Variants in TULP4 observed in about 807,000 individuals in gnomAD.
The protein encoded by TULP4 is tubby-related protein 4.
TULP4 carries 16 observed loss-of-function variants against 129.0 expected under a neutral mutation model. The observed-to-expected ratio is 0.12, with a 90% CI of 0.08 to 0.19. The LOEUF is 0.19. Ranked by LOEUF, TULP4 falls within the 10% of genes least tolerant of loss-of-function variation. The pLI is 1.00. For missense variants in TULP4, 1,842 were observed against 2,059.1 expected, an observed-to-expected ratio of 0.89 and a Z score of 2.04; for synonymous variants, 998 against 854.0, an observed-to-expected ratio of 1.17 and a Z score of -2.94.
upstream of TULP4, among the ~76,000 whole-genome samples, chr6:158,311,493 C>G (rs977410437): frequency 9.2e-5 from 14 of 152,172 alleles, no homozygotes; most frequent in Non-Finnish European, 2.1e-4. Flanking sequence ...TTCTCTAGAA[C>G]TTTATTGCTG....
chr6:158,401,634 A>AAGCC (rs1346815192), intron 1 of TULP4, among the ~76,000 whole-genome samples: 2 of 139,414 alleles, frequency 1.4e-5, no homozygotes, highest in Non-Finnish European at 3.1e-5. Flanking sequence ...GGGTGTGGTC[A>AAGCC]AGCCGTTCTA....
At chr6:158,350,861 A>G (rs1780501320) in intron 1 of TULP4, among the ~76,000 whole-genome samples, 1 of 151,444 alleles carries the variant, frequency 6.6e-6, no homozygotes, top group Non-Finnish European at 1.5e-5. Flanking sequence ...CCCGGTTTCC[A>G]GCGATTCTCT....
chr6:158,380,666 G>A (rs1229216404), intron 1 of TULP4, among the ~76,000 whole-genome samples: 3 of 151,860 alleles, frequency 2.0e-5, no homozygotes, highest in Admixed American at 2.0e-4. Flanking sequence ...GGTTGAGGCG[G>A]GTGGATTACC....
intron 1 of TULP4, among the ~76,000 whole-genome samples, chr6:158,385,842 C>CTTCTTTTTTTTTTTTTTTTTT (rs1777432028): frequency 1.7e-5 from 1 of 59,576 alleles, no homozygotes; most frequent in South Asian, 8.5e-4. Flanking sequence ...TGTGGAATAT[C>CTTCTTTTTTTTTTTTTTTTTT]TTTTTTTTTT....
At chr6:158,495,295 T>G (rs2128258713) in intron 11 of TULP4, among the ~76,000 whole-genome samples, 1 of 152,296 alleles carries the variant, frequency 6.6e-6, no homozygotes, top group East Asian at 1.9e-4. Flanking sequence ...TCAAGCAATT[T>G]GCCCACCTCA....
intron 10 of TULP4, among the ~76,000 whole-genome samples, chr6:158,494,162 C>T (rs1322175609): frequency 6.6e-6 from 1 of 152,206 alleles, no homozygotes; most frequent in Non-Finnish European, 1.5e-5. Flanking sequence ...TGACGGCCTC[C>T]TACCCTGGTT....
intron 3 of TULP4, among the ~76,000 whole-genome samples, chr6:158,433,612 G>A (rs1778683265): frequency 6.6e-6 from 1 of 152,220 alleles, no homozygotes; most frequent in Non-Finnish European, 1.5e-5. Context: ...TCCGGAGGCT[G>A]AGGCAGGAGA....
rs752433680 is a variant in TULP4, at chr6:158,501,778, G to GAGC, written c.2117_2119dup (p.Ser706dup). 4 of 1,614,154 alleles carry GAGC rather than the reference G, an allele frequency of 2.5e-6. No homozygotes were observed. The highest frequency in any genetic ancestry group is 2.5e-6 in the Non-Finnish European group (3 of 1,180,034). The stretch of plus-strand genomic sequence containing the variant: ...CGGCTCAGGCTATGTCCCCCACGCA[G>GAGC]AGCATAGGGCTGGTGCAGTCCCTAC... On this transcript the variant is annotated inframe_insertion, in exon 13 of 14. Transcript: ENST00000367097.
At chr6:158,394,994 T>G (rs1257949802) in intron 1 of TULP4, among the ~76,000 whole-genome samples, 1 of 151,814 alleles carries the variant, frequency 6.6e-6, no homozygotes, top group African/African-American at 2.4e-5. Context: ...AAGCAGGAAG[T>G]GCCACACACT....
Position 158,298,169 on chromosome 6 carries a change from C to T in TULP4, n.117-13882C>T, listed in dbSNP as rs1779068290. ...CCTTATGGTTGTCTTCCCTTGTTCC[C>T]TAAAAATCGCTGTTATTCTGTTCTT... On this transcript the variant is annotated intron_variant and non_coding_transcript_variant, in intron 1 of 1. Transcript: ENST00000432358. Among the ~76,000 whole-genome samples the T allele has an allele frequency of 4.6e-5, 7 of 152,252 alleles. No individual in the cohort carries two copies. In the South Asian group the frequency reaches 1.5e-3, roughly 32 times the overall value.
At chr6:158,485,555 T>C (rs1188515806) in intron 8 of TULP4, among the ~76,000 whole-genome samples, 1 of 152,234 alleles carries the variant, frequency 6.6e-6, no homozygotes, top group Non-Finnish European at 1.5e-5. Flanking sequence ...CATGCACTAT[T>C]CTTCAAGAAG....
chr6:158,427,471 CTTTTTTTTTTTTTTTTTTTTTT>C lies in TULP4; in HGVS notation c.382-2245_382-2224del, dbSNP rs557678837. Reference sequence around the variant, plus strand: ...AAATTCCTTTTCAAAATTATCAGACCTTTTTTTTTTTTTTTTTTTTTTTTTTTTTTTTTTTTTTTTTGAGACG... The same window carrying C: ...AAATTCCTTTTCAAAATTATCAGACCTTTTTTTTTTTTTTTTTTTGAGACG... On this transcript the variant is annotated intron_variant, in intron 2 of 13. Coordinates refer to ENST00000367097, the MANE Select transcript of TULP4 (RefSeq NM_020245.5). Among the ~76,000 whole-genome samples, 336 of 74,124 alleles carry C rather than the reference CTTTTTTTTTTTTTTTTTTTTTT, an allele frequency of 4.5e-3. 4 individuals are homozygous for C. Among genetic ancestry groups the C allele is most frequent in the African/African-American group, 0.019 (306 of 16,104 alleles). 48.6% of individuals were successfully genotyped at this position (74,124 alleles called of 152,430 possible).
At chr6:158,371,620 CAA>C (rs1038335438) in intron 1 of TULP4, among the ~76,000 whole-genome samples, 5 of 152,070 alleles carry the variant, frequency 3.3e-5, no homozygotes, top group East Asian at 1.9e-4. Flanking sequence ...TGGAGGCTGA[CAA>C]GAGAGATTAT....
chr6:158,282,144 GTT>G (rs959545313), upstream of TULP4: 1 of 152,052 alleles, frequency 6.6e-6, no homozygotes, highest in Non-Finnish European at 1.5e-5. Context: ...AAAGAGTCAT[GTT>G]TCTAATAGAT....
intron 1 of TULP4, among the ~76,000 whole-genome samples, chr6:158,301,635 C>A (rs1036578603): frequency 1.3e-5 from 2 of 152,126 alleles, no homozygotes; most frequent in Non-Finnish European, 2.9e-5. Context: ...AAGAAAACAC[C>A]ACTCCACTAA....
chr6:158,478,940 T>C (rs1273814401), intron 6 of TULP4, among the ~76,000 whole-genome samples: 1 of 152,206 alleles, frequency 6.6e-6, no homozygotes, highest in African/African-American at 2.4e-5. Flanking sequence ...GGGAGCTTTC[T>C]TTCCCTGCAC....
At chr6:158,336,339 C>G (rs978924059) in intron 1 of TULP4, among the ~76,000 whole-genome samples, 5 of 152,154 alleles carry the variant, frequency 3.3e-5, no homozygotes, top group Non-Finnish European at 5.9e-5. Flanking sequence ...AGTCTTTTAT[C>G]TGTGGTGTAT....
At chr6:158,353,677 G>A (rs1348118250) in intron 1 of TULP4, among the ~76,000 whole-genome samples, 2 of 152,180 alleles carry the variant, frequency 1.3e-5, no homozygotes, top group Non-Finnish European at 2.9e-5. Context: ...TGGAGAAACA[G>A]ATACAGAGTC....
intron 1 of TULP4, among the ~76,000 whole-genome samples, chr6:158,411,007 GTTC>G (rs1309121236): frequency 6.6e-6 from 1 of 151,536 alleles, no homozygotes; most frequent in Non-Finnish European, 1.5e-5. Context: ...ATATGCTGTT[GTTC>G]AAATGCCTTT....
Sources: gnomAD v4.1 joint callset for allele counts (sites outside exome capture counted in the v4.1 genomes callset) on GRCh38, gnomAD v4.1.1 for gene constraint, MANE v1.5 for transcripts, NCBI Gene and HGNC (gene_info 2026-07-23, HGNC 2026-07-21) for gene names.